The following TIE1 variants were observed in gnomAD, a reference collection of about 807,000 sequenced individuals.
TIE1 encodes the protein tyrosine kinase with immunoglobulin like and EGF like domains 1, also known as tyrosine-protein kinase receptor Tie-1.
In TIE1, 89 loss-of-function variants were observed where a neutral mutation model predicts 130.5. The ratio of observed to expected loss-of-function variants is 0.68; its 90% CI spans 0.57 to 0.81. The LOEUF (loss-of-function observed/expected upper bound fraction) is 0.81. Ranked by LOEUF, TIE1 falls within the 40% of genes least tolerant of loss-of-function variation. The probability of loss-of-function intolerance (pLI) is 0.00; values close to 1 mark genes in which losing one functional copy is unlikely to be tolerated. For synonymous variants in TIE1, 568 were observed against 629.4 expected, an observed-to-expected ratio of 0.90 and a Z score of 1.46; for missense variants, 1,392 against 1,559.8, an observed-to-expected ratio of 0.89 and a Z score of 1.81.
Position 43,304,999 on chromosome 1 carries a change from C to T in TIE1, c.207C>T (p.Ile69=), listed in dbSNP as rs200369203. 13 of 1,527,838 alleles carry T rather than the reference C, an allele frequency of 8.5e-6. No homozygotes were observed. Among genetic ancestry groups the T allele is most frequent in the Admixed American group, 4.0e-5 (2 of 49,458 alleles). 94.6% of individuals were successfully genotyped at this position (1,527,838 alleles called of 1,614,324 possible). A position where few individuals can be genotyped will look rare whatever the true frequency, so the allele number is the denominator to read the frequency against. Residue 69 remains isoleucine, a synonymous_variant, in exon 2 of 23, where the codon ATC becomes ATT. Transcript: ENST00000372476. ...TGCTGCTGGAGAAGGACGACCGTAT[C>T]GTGCGCACCCCGCCCGGGCCACCCC... ...PPLLLEKDDR[I]VRTPPGPPLR... is the part of the protein sequence containing the mutation.
At position 43,307,368 on chromosome 1, in the gene TIE1, G is replaced by A. The variant is rs200973888; in HGVS notation, c.773-64G>A. The A allele has an allele frequency of 6.9e-4, 1,108 of 1,611,252 alleles. 13 individuals are homozygous for A. Among genetic ancestry groups the A allele is most frequent in the Admixed American group, 3.7e-4 (22 of 59,944 alleles). On this transcript the variant is annotated intron_variant, in intron 5 of 22. Coordinates refer to ENST00000372476, the MANE Select transcript of TIE1 (RefSeq NM_005424.5). This position sits in a 1 kb window ranked among gnomAD's most constrained non-coding sequence, Gnocchi z 5.4. ...TGGGTGGAGCTTGGAGGGTAAGGGCGACAGGCAGGTCCTGGGCCCAGGGGC... is the reference window on the plus strand; with the variant it reads ...TGGGTGGAGCTTGGAGGGTAAGGGCAACAGGCAGGTCCTGGGCCCAGGGGC...
Position 43,306,960 on chromosome 1 carries a change from C to T in TIE1, c.605C>T (p.Pro202Leu). The stretch of plus-strand genomic sequence containing the variant: ...AGTGCCACTTACCTGGAAGCCAGCC[C>T]CCTGGGCAGCGCCTTCTTTCGGCTC... ...IYSATYLEAS[P>L]LGSAFFRLIV... Residue 202 changes from proline to leucine, a missense_variant, in exon 4 of 23, where the codon CCC becomes CTC. By Grantham distance (98) the Pro-to-Leu change is moderately conservative. This residue lies in a region of TIE1 where 415 missense variants were observed against 424.8 expected (regional missense o/e 0.98). Transcript: ENST00000372476. The surrounding 1 kb of genome is among the most constrained non-coding windows in gnomAD (Gnocchi z 4.9). 1.2e-6 allele frequency: 2 copies of T among 1,613,976 alleles called. No individual in the cohort carries two copies. The highest frequency in any genetic ancestry group is 8.5e-7 in the Non-Finnish European group (1 of 1,180,002).
chr1:43,321,217 C>T, intron 19 of TIE1, 52 bp from the exon 20 acceptor site: 2 of 1,606,234 alleles, frequency 1.2e-6, no homozygotes, highest in Non-Finnish European at 1.7e-6. Flanking sequence ...AGAAGCTAAA[C>T]TGCTAGGGAC....
At chr1:43,314,077 T>G (rs750523937) in intron 14 of TIE1, 109 bp downstream of exon 14, 9 of 1,110,968 alleles carry the variant, frequency 8.1e-6, no homozygotes, top group East Asian at 5.1e-5. Context: ...GTGTGTGTGT[T>G]TATGTTGCAG....
rs375129115 is a variant in TIE1, at chr1:43,313,981, C to A, written c.2409+13C>A. Reference sequence around the variant, plus strand: ...CCAGTCAGGCTCGGTCAGTGACCCGCCCCGCCCCTGGGTGCATGCTTGCAG... The same window carrying A: ...CCAGTCAGGCTCGGTCAGTGACCCGACCCGCCCCTGGGTGCATGCTTGCAG... On this transcript the variant is annotated intron_variant, in intron 14 of 22. Coordinates refer to ENST00000372476, the MANE Select transcript of TIE1 (RefSeq NM_005424.5). The surrounding 1 kb of genome is among the most constrained non-coding windows in gnomAD (Gnocchi z 6.2). 212 of 1,613,996 alleles carry A rather than the reference C, an allele frequency of 1.3e-4. 1 individual carries two copies. The highest frequency in any genetic ancestry group is 1.7e-4 in the Non-Finnish European group (197 of 1,179,924).
At chr1:43,305,446 C>G in intron 3 of TIE1, 103 bp downstream of exon 3, 1 of 1,103,562 alleles carries the variant, frequency 9.1e-7, no homozygotes, top group Non-Finnish European at 1.3e-6. Context: ...CCTGACACAC[C>G]CGACCTCCAG....
Position 43,301,088 on chromosome 1 carries a change from C to A in TIE1, c.17C>A (p.Pro6His). 1 of 1,613,896 alleles carries A rather than the reference C, an allele frequency of 6.2e-7. No homozygotes were observed. The highest frequency in any genetic ancestry group is 1.1e-5 in the South Asian group (1 of 91,008). Residue 6 changes from proline (P) to histidine (H), a missense_variant, in exon 1 of 23, where the codon CCC becomes CAC. Pro to His is a moderately conservative substitution (Grantham distance 77, BLOSUM62 -2). Transcript: ENST00000372476. ...CTCTGGAGTATGGTCTGGCGGGTGC[C>A]CCCTTTCTTGCTCCCCATCCTCTTC... Reference protein sequence around the residue: MVWRVPPFLLPILFLA... With the variant: MVWRVHPFLLPILFLA...
In TIE1 at chr1:43,311,789, C is replaced by T. The variant is rs201732386; in HGVS notation, c.1452C>T (p.Tyr484=). 5 of 1,614,124 alleles carry T rather than the reference C, an allele frequency of 3.1e-6. No homozygotes were observed. The highest frequency in any genetic ancestry group is 4.2e-6 in the Non-Finnish European group (5 of 1,179,996). Reference sequence around the variant, plus strand: ...CCATCTCCACTGTCCGCCTGCACTACCGGCCCCAGGACAGTACCATGGACT... The same window carrying T: ...CCATCTCCACTGTCCGCCTGCACTATCGGCCCCAGGACAGTACCATGGACT... ...DGPISTVRLH[Y]RPQDSTMDWS... is the part of the protein sequence containing the mutation. The change falls in exon 10 of 23, where the codon TAC becomes TAT. Residue 484 remains tyrosine, a synonymous_variant. Transcript: ENST00000372476.
Position 43,306,518 on chromosome 1 carries a change from C to T in TIE1, c.485-322C>T, listed in dbSNP as rs887973305. 7.9e-5 allele frequency among the ~76,000 whole-genome samples: 12 copies of T among 152,074 alleles called. No individual in the cohort carries two copies. The highest frequency in any genetic ancestry group is 3.9e-4 in the Admixed American group (6 of 15,276). On this transcript the variant is annotated intron_variant, in intron 3 of 22. Transcript: ENST00000372476. This position sits in a 1 kb window ranked among gnomAD's most constrained non-coding sequence, Gnocchi z 4.9. ...GTGGAGGAGGGACAAGAAAGGGTGA[C>T]ACTGGAGGCAGAGGAGCCTTGTGAG...
Position 43,313,497 on chromosome 1 carries a change from C to A in TIE1, c.2218+72C>A. The A allele has an allele frequency of 6.4e-7, 1 of 1,552,376 alleles. No homozygotes were observed. The highest frequency in any genetic ancestry group is 1.2e-5 in the South Asian group (1 of 86,148). ...AGCTCAGCACGCTCTCCTTCCACAT[C>A]ACCCCCTACTGTGGAGCTAGGGCAT... On this transcript the variant is annotated intron_variant, in intron 13 of 22. Transcript: ENST00000372476. The surrounding 1 kb of genome is among the most constrained non-coding windows in gnomAD (Gnocchi z 6.2).
rs771606329 is a variant in TIE1 at position 43,313,182 on chromosome 1, G to A, written c.1975G>A (p.Glu659Lys). 16 of 1,613,274 alleles carry A rather than the reference G, an allele frequency of 9.9e-6. No homozygotes were observed. In the African/African-American group the frequency reaches 1.6e-4, roughly 16 times the overall value. The change falls in exon 13 of 23, where the codon GAG becomes AAG. Residue 659 changes from glutamate to lysine, a missense_variant. Glu to Lys is a moderately conservative substitution (Grantham distance 56). This residue lies in a region of TIE1 where 551 missense variants were observed against 565.5 expected (regional missense o/e 0.97). Transcript: ENST00000372476. The surrounding 1 kb of genome is among the most constrained non-coding windows in gnomAD (Gnocchi z 6.2). ...CCACGCCCAGGCCCTCTCAGACTCC[G>A]AGATCCAGCTGACATGGAAGCACCC... is the stretch of plus-strand genomic sequence containing the variant. The part of the protein sequence containing the change: ...HLHAQALSDS[E>K]IQLTWKHPEA...
rs970638762 is a variant in TIE1 at position 43,311,568 on chromosome 1, A to T, written c.1334-103A>T. 1.3e-5 allele frequency: 19 copies of T among 1,461,026 alleles called. No individual in the cohort carries two copies. In the African/African-American group the frequency reaches 2.5e-4, roughly 19 times the overall value. 90.5% of individuals were successfully genotyped at this position (1,461,026 alleles called of 1,614,324 possible). On this transcript the variant is annotated intron_variant, in intron 9 of 22. Coordinates refer to ENST00000372476, the MANE Select transcript of TIE1 (RefSeq NM_005424.5). Reference sequence around the variant, plus strand: ...CCTGGCCACTATGGTCATCTGTTGAACTTGGTGTCCCTCAAGCCCAGAGGG... The same window carrying T: ...CCTGGCCACTATGGTCATCTGTTGATCTTGGTGTCCCTCAAGCCCAGAGGG...
chr1:43,320,885 TA>T (rs1646910454), intron 19 of TIE1: 1 of 144,350 alleles, frequency 6.9e-6, no homozygotes, highest in Non-Finnish European at 1.5e-5. Context: ...AATAAATAAA[TA>T]AATAAAAATA....
chr1:43,308,333 C>T (rs987396289), intron 7 of TIE1, among the ~76,000 whole-genome samples: 2 of 150,140 alleles, frequency 1.3e-5, no homozygotes, highest in Non-Finnish European at 2.9e-5. Context: ...GGTTTGGGTG[C>T]CAGGACAGTG....
At position 43,321,313 on chromosome 1, in the gene TIE1, A is replaced by G. The variant is rs759783343; in HGVS notation, c.3148+4A>G. On this transcript the variant is annotated splice_donor_region_variant and intron_variant, in intron 20 of 22. Coordinates refer to ENST00000372476, the MANE Select transcript of TIE1 (RefSeq NM_005424.5). The stretch of plus-strand genomic sequence containing the variant: ...CTTTGGGAGATAGTGAGCCTTGGTG[A>G]GTTCCTGATCCCCGTCCCCCAGAGT... 1.2e-6 allele frequency: 2 copies of G among 1,613,994 alleles called. No individual in the cohort carries two copies. The highest frequency in any genetic ancestry group is 1.7e-6 in the Non-Finnish European group (2 of 1,179,996).
chr1:43,302,206 T>C (rs1646677453), intron 1 of TIE1, among the ~76,000 whole-genome samples: 1 of 152,214 alleles, frequency 6.6e-6, no homozygotes, highest in Admixed American at 6.5e-5. Flanking sequence ...GGGCCATTAG[T>C]TGAGAGGCTG....
At chr1:43,305,648 T>C (rs74637329) in intron 3 of TIE1, among the ~76,000 whole-genome samples, 1,571 of 152,308 alleles carry the variant, frequency 0.01, 72 homozygotes, top group Admixed American at 0.087. Flanking sequence ...TGCTGTCACA[T>C]AGCCCACCTG....
intron 7 of TIE1, 160 bp from the exon 8 acceptor site, chr1:43,308,826 G>T: frequency 1.1e-6 from 1 of 911,814 alleles, no homozygotes. Context: ...TGGGATGTGG[G>T]GCTGGGACGC....
chr1:43,308,747 G>A, intron 7 of TIE1: 1 of 617,138 alleles, frequency 1.6e-6, no homozygotes. Flanking sequence ...GATGGTGAGG[G>A]GTCTGCTGGC....
Sources: allele counts gnomAD v4.1 joint callset (sites outside exome capture counted in the v4.1 genomes callset), GRCh38; gene constraint gnomAD v4.1.1; regional missense constraint gnomAD v4.1.1; non-coding constraint Gnocchi (gnomAD v3.1); transcripts MANE v1.5; gene names NCBI Gene and HGNC (gene_info 2026-07-23, HGNC 2026-07-21).